Variants in TRHDE observed in about 807,000 individuals in gnomAD.
TRHDE encodes the protein thyrotropin-releasing hormone-degrading ectoenzyme.
In TRHDE, 72 loss-of-function variants were observed where a neutral mutation model predicts 125.7. The ratio of observed to expected loss-of-function variants is 0.57; its 90% CI spans 0.47 to 0.70. The LOEUF (loss-of-function observed/expected upper bound fraction) is 0.70. TRHDE is among the 30% of genes least tolerant of loss of function. TRHDE has a pLI of 0.00. For missense variants in TRHDE, 1,110 were observed against 1,327.1 expected (o/e 0.84, Z 2.54); for synonymous variants, 509 against 509.1 (o/e 1.00, Z 0.00).
At chr12:72,163,992 T>C (rs1876690670) in intron 2 of TRHDE, among the ~76,000 whole-genome samples, 1 of 152,058 alleles carries the variant, frequency 6.6e-6, no homozygotes, top group South Asian at 2.1e-4. Context: ...ATACCTGTAG[T>C]CCCAGCTAGC....
chr12:72,629,379 C>T (rs981427082), intron 15 of TRHDE, among the ~76,000 whole-genome samples: 2 of 151,496 alleles, frequency 1.3e-5, no homozygotes, highest in African/African-American at 4.8e-5. Flanking sequence ...TTGGATCTCC[C>T]CCATTACTGC....
intron 2 of TRHDE, chr12:72,303,277 A>AGCTTC (rs1158868006): frequency 6.6e-6 from 1 of 152,174 alleles, no homozygotes; most frequent in Non-Finnish European, 1.5e-5. Flanking sequence ...ATTAGGAAAC[A>AGCTTC]GCTTCTCATG....
chr12:72,510,377 A>G (rs778455664), intron 6 of TRHDE, among the ~76,000 whole-genome samples: 28 of 152,306 alleles, frequency 1.8e-4, no homozygotes, highest in Non-Finnish European at 2.9e-4. Context: ...TTAGTGTGCT[A>G]TATGATGGCA....
intron 3 of TRHDE, among the ~76,000 whole-genome samples, chr12:72,469,475 A>G (rs1032893876): frequency 1.3e-5 from 2 of 152,140 alleles, no homozygotes; most frequent in Admixed American, 1.3e-4. Flanking sequence ...TGACTTATGA[A>G]ATTTATTAGG....
intron 2 of TRHDE, among the ~76,000 whole-genome samples, chr12:72,314,775 T>G (rs1054425912): frequency 4.6e-5 from 7 of 152,326 alleles, no homozygotes; most frequent in Admixed American, 4.6e-4. Context: ...AATGTTTTGT[T>G]TAATGTTTGG....
At chr12:72,142,081 A>C (rs1264308206) in intron 2 of TRHDE, among the ~76,000 whole-genome samples, 1 of 152,074 alleles carries the variant, frequency 6.6e-6, no homozygotes, top group Non-Finnish European at 1.5e-5. Flanking sequence ...CCAGAAAAAA[A>C]AAAAAAAGAA....
chr12:72,482,657 G>A (rs1877225725), intron 5 of TRHDE, among the ~76,000 whole-genome samples: 1 of 151,768 alleles, frequency 6.6e-6, no homozygotes, highest in African/African-American at 2.4e-5. Context: ...TGATTGTAGT[G>A]GCAGTGGTGG....
At chr12:72,252,346 A>G (rs1479732666) in intron 2 of TRHDE, among the ~76,000 whole-genome samples, 2 of 152,044 alleles carry the variant, frequency 1.3e-5, no homozygotes, top group Non-Finnish European at 2.9e-5. Context: ...CTTTTTGCCT[A>G]TGGGTGCTCA....
intron 2 of TRHDE, among the ~76,000 whole-genome samples, chr12:72,358,961 C>A (rs985867236): frequency 6.6e-6 from 1 of 151,202 alleles, no homozygotes; most frequent in African/African-American, 2.4e-5. Flanking sequence ...AACCACTGCC[C>A]CCTCCACAAA....
At chr12:72,496,656 AC>A (rs1877932136) in intron 5 of TRHDE, among the ~76,000 whole-genome samples, 1 of 152,198 alleles carries the variant, frequency 6.6e-6, no homozygotes, top group Admixed American at 6.5e-5. Flanking sequence ...TCCCTTTAGC[AC>A]ATTCAGCCTG....
At chr12:72,124,177 A>G (rs551866801) in intron 2 of TRHDE, among the ~76,000 whole-genome samples, 187 of 152,308 alleles carry the variant, frequency 1.2e-3, no homozygotes, top group African/African-American at 4.2e-3. Flanking sequence ...ATAATTGCAT[A>G]TTCTTATAAG....
At position 72,470,841 on chromosome 12, in the gene TRHDE, G is replaced by A. The variant is rs187031613; in HGVS notation, c.1470+929G>A. On this transcript the variant is annotated intron_variant, in intron 4 of 18. Coordinates refer to ENST00000261180, the MANE Select transcript of TRHDE (RefSeq NM_013381.3). ...AATGATGAAGTGATCCGGGTCAGACGACCGTTCTATGTAAATGTCAGCTTT... is the reference window on the plus strand; with the variant it reads ...AATGATGAAGTGATCCGGGTCAGACAACCGTTCTATGTAAATGTCAGCTTT... Among the ~76,000 whole-genome samples the A allele has an allele frequency of 5.5e-3, 791 of 144,348 alleles. 3 individuals are homozygous for A. The highest frequency in any genetic ancestry group is 0.015 in the Admixed American group (216 of 14,362). The allele number at this position is 144,348 out of a possible 152,430, so 94.7% of individuals were successfully genotyped here. A position where few individuals can be genotyped will look rare whatever the true frequency, so the allele number is the denominator to read the frequency against.
chr12:72,537,877 T>G (rs889834767), intron 6 of TRHDE, among the ~76,000 whole-genome samples: 1 of 152,214 alleles, frequency 6.6e-6, no homozygotes, highest in Non-Finnish European at 1.5e-5. Flanking sequence ...ACAATCTATT[T>G]TGTGCAATGT....
intron 2 of TRHDE, among the ~76,000 whole-genome samples, chr12:72,357,200 G>A (rs1870863474): frequency 6.6e-6 from 1 of 151,300 alleles, no homozygotes; most frequent in Non-Finnish European, 1.5e-5. Flanking sequence ...AATTCATTTG[G>A]AACCAAAGAA....
rs749197128 is a variant in TRHDE, at chr12:72,653,048, T to C, written c.2876T>C (p.Val959Ala). 5 of 1,607,400 alleles carry C rather than the reference T, an allele frequency of 3.1e-6. No individual in the cohort carries two copies. Among genetic ancestry groups the C allele is most frequent in the Non-Finnish European group, 3.4e-6 (4 of 1,176,132 alleles). ...AATCTGTCACTGAATTCTGAGGTGG[T>C]GCTGGATCAAGATGCAATTGATGTC... is the stretch of plus-strand genomic sequence containing the variant. ...LLNLSLNSEVVLDQDAIDVII... is the reference protein window; with the variant it reads ...LLNLSLNSEVALDQDAIDVII... Residue 959 changes from valine (V) to alanine (A), a missense_variant, in exon 17 of 19, where the codon GTG becomes GCG. By Grantham distance (64) the Val-to-Ala change is moderately conservative. This residue lies in a region of TRHDE where 527 missense variants were observed against 651.8 expected (regional missense o/e 0.81). Transcript: ENST00000261180.
intron 12 of TRHDE, among the ~76,000 whole-genome samples, chr12:72,612,014 G>A (rs1872650720): frequency 6.6e-6 from 1 of 152,098 alleles, no homozygotes; most frequent in Non-Finnish European, 1.5e-5. Flanking sequence ...TCATGCTCTG[G>A]TTACCACTGA....
intron 6 of TRHDE, among the ~76,000 whole-genome samples, chr12:72,515,976 G>T (rs1181549710): frequency 7.1e-6 from 1 of 141,100 alleles, no homozygotes; most frequent in Non-Finnish European, 1.5e-5. Flanking sequence ...ATTTCTGAGG[G>T]CTCTGTTCTG....
chr12:72,620,382 G>T (rs1218795917), intron 13 of TRHDE, among the ~76,000 whole-genome samples: 1 of 151,178 alleles, frequency 6.6e-6, no homozygotes, highest in African/African-American at 2.4e-5. Context: ...AATTAACTGG[G>T]TGTAGTGGCT....
rs1241619748 is a variant in TRHDE, at chr12:72,663,602, G to A, written c.*407G>A. 1 of 153,664 alleles carries A rather than the reference G, an allele frequency of 6.5e-6. No homozygotes were observed. Among genetic ancestry groups the A allele is most frequent in the Admixed American group, 6.5e-5 (1 of 15,286 alleles). The allele number at this position is 153,664 out of a possible 1,614,324, so 9.5% of individuals were successfully genotyped here. ...GCTTATTTCAAACGTCCAGTGTTGT[G>A]TGTGAATATGTGTTACACCTAGGAT... On this transcript the variant is annotated 3_prime_UTR_variant, in exon 19 of 19. Transcript: ENST00000261180.
Sources: gnomAD v4.1 joint callset for allele counts (sites outside exome capture counted in the v4.1 genomes callset) on GRCh38, gnomAD v4.1.1 for gene constraint, gnomAD v4.1.1 regional missense constraint, MANE v1.5 for transcripts, NCBI Gene and HGNC (gene_info 2026-07-23, HGNC 2026-07-21) for gene names.